The following ZFHX2 variants were observed in gnomAD, a reference collection of about 807,000 sequenced individuals.
ZFHX2 encodes the protein zinc finger homeobox protein 2.
ZFHX2 carries 75 observed loss-of-function variants against 164.8 expected under a neutral mutation model. That is an observed-to-expected ratio of 0.46 (90% CI 0.38 to 0.55). The LOEUF (loss-of-function observed/expected upper bound fraction) is 0.55, where lower values mean the gene tolerates loss of function less well. Ranked by LOEUF, ZFHX2 falls within the 20% of genes least tolerant of loss-of-function variation. ZFHX2 has a pLI of 0.00. For missense variants in ZFHX2, 2,933 were observed against 3,308.0 expected, an observed-to-expected ratio of 0.89 and a Z score of 2.78; for synonymous variants, 1,217 against 1,351.4, an observed-to-expected ratio of 0.90 and a Z score of 2.18.
chr14:23,532,314 C>T, intron 3 of ZFHX2: 1 of 410,010 alleles, frequency 2.4e-6, no homozygotes, highest in Non-Finnish European at 4.2e-6. Context: ...GCTGATACCA[C>T]CCCTCCCTCC....
chr14:23,531,431 C>A, intron 4 of ZFHX2, 50 bp downstream of exon 4: 4 of 1,353,856 alleles, frequency 3.0e-6, no homozygotes, highest in Non-Finnish European at 2.9e-6. Context: ...CTCCCCACAT[C>A]CTGCTGCCCT....
At chr14:23,545,606 A>T (rs899794027) in intron 1 of ZFHX2, among the ~76,000 whole-genome samples, 6 of 152,156 alleles carry the variant, frequency 3.9e-5, no homozygotes, top group Non-Finnish European at 4.4e-5. Flanking sequence ...TTTCAAGTGC[A>T]CTTCTTTCCC....
Position 23,533,643 on chromosome 14 carries a change from T to C in ZFHX2, c.1683A>G (p.Lys561=), listed in dbSNP as rs1423903136. 1 of 1,536,862 alleles carries C rather than the reference T, an allele frequency of 6.5e-7. No homozygotes were observed. Among genetic ancestry groups the C allele is most frequent in the African/African-American group, 1.4e-5 (1 of 73,026 alleles). Residue 561 remains lysine, a synonymous_variant, in exon 2 of 10, where the codon AAA becomes AAG. Transcript: ENST00000419474. This position sits in a 1 kb window ranked among gnomAD's most constrained non-coding sequence, Gnocchi z 4.8. ...GCCAGGATGATTTGGTCTTAGGCTC[T>C]TTGTCTCCCGCGGAGGGTGGGAGTG... ...EASLPPSAGD[K]EPKTKSSWQC... is the part of the protein sequence containing the mutation.
chr14:23,553,523 C>T (rs1001672149), upstream of ZFHX2, among the ~76,000 whole-genome samples: 14 of 151,198 alleles, frequency 9.3e-5, no homozygotes, highest in African/African-American at 2.4e-4. Context: ...CGCTTGAACC[C>T]GGGGGGCAGA....
At chr14:23,530,401 C>G (rs1473239393) in intron 4 of ZFHX2, 1 of 684,646 alleles carries the variant, frequency 1.5e-6, no homozygotes, top group East Asian at 2.7e-5. Flanking sequence ...CTGGTAGGGC[C>G]TAAGAGATCA....
intron 6 of ZFHX2, chr14:23,528,535 G>A (rs757884672): frequency 4.0e-5 from 36 of 906,276 alleles, no homozygotes; most frequent in Non-Finnish European, 4.7e-5. Flanking sequence ...TCTGTGAAAT[G>A]GTTCCATTTC....
At chr14:23,537,347 A>C (rs1008882495) in intron 1 of ZFHX2, among the ~76,000 whole-genome samples, 2 of 152,036 alleles carry the variant, frequency 1.3e-5, no homozygotes, top group South Asian at 4.2e-4. Flanking sequence ...TAGCTCTCGT[A>C]TTAGCAGATC....
intron 6 of ZFHX2, 91 bp from the exon 7 acceptor site, chr14:23,527,895 C>G: frequency 8.9e-7 from 1 of 1,121,558 alleles, no homozygotes; most frequent in African/African-American, 1.6e-5. Context: ...TGGCCCGCCC[C>G]CACTCCTTTT....
At chr14:23,553,743 A>C (rs189173793), upstream of ZFHX2, among the ~76,000 whole-genome samples, 371 of 151,280 alleles carry the variant, frequency 2.5e-3, 1 homozygote, top group Non-Finnish European at 4.4e-3. Flanking sequence ...AATTACAAAA[A>C]ATTAGCCGGG....
Position 23,525,895 on chromosome 14 carries a change from A to G in ZFHX2, c.4047T>C (p.Pro1349=), listed in dbSNP as rs780944327. Residue 1349 remains proline (P), a synonymous_variant, in exon 9 of 10, where the codon CCT becomes CCC. Coordinates refer to ENST00000419474, the MANE Select transcript of ZFHX2 (RefSeq NM_033400.3). This position sits in a 1 kb window ranked among gnomAD's most constrained non-coding sequence, Gnocchi z 5.9. ...GCTTAAGCAGTGATTCGGGCACCAG[A>G]GGGAAGGGGGGCAGGACTGGTGGGG... ...LFTPPVLPPF[P]LVPESLLKLQ... 1 of 1,405,752 alleles carries G rather than the reference A, an allele frequency of 7.1e-7. No individual in the cohort carries two copies. Among genetic ancestry groups the G allele is most frequent in the Non-Finnish European group, 9.2e-7 (1 of 1,089,286 alleles). The allele number at this position is 1,405,752 out of a possible 1,614,324, so 87.1% of individuals were successfully genotyped here.
At chr14:23,528,222 T>A (rs1160594032) in intron 6 of ZFHX2, among the ~76,000 whole-genome samples, 4 of 152,182 alleles carry the variant, frequency 2.6e-5, no homozygotes, top group African/African-American at 9.7e-5. Context: ...CACTCCTAAT[T>A]GAAGAGGAAC....
At position 23,523,542 on chromosome 14, in the gene ZFHX2, C is replaced by T. The variant is rs1878315180; in HGVS notation, c.6400G>A (p.Gly2134Arg). The part of the protein sequence containing the change: ...KLQGTAAGST[G>R]GSSEGLLAAQ... The stretch of plus-strand genomic sequence containing the variant: ...GCTAAGAGGCCCTCACTGCTGCCCC[C>T]AGTGCTCCCAGCGGCTGTCCCCTGT... Residue 2134 changes from glycine to arginine, a missense_variant, in exon 9 of 10, where the codon GGG (glycine) becomes AGG (arginine). Transcript: ENST00000419474. The surrounding 1 kb of genome is among the most constrained non-coding windows in gnomAD (Gnocchi z 4.1). 11 of 1,536,806 alleles carry T rather than the reference C, an allele frequency of 7.2e-6. No homozygotes were observed. Among genetic ancestry groups the T allele is most frequent in the Non-Finnish European group, 9.6e-6 (11 of 1,146,966 alleles).
At chr14:23,528,196 A>G (rs1159840452) in intron 6 of ZFHX2, among the ~76,000 whole-genome samples, 1 of 152,198 alleles carries the variant, frequency 6.6e-6, no homozygotes, top group Non-Finnish European at 1.5e-5. Context: ...GGCGTGAGCC[A>G]CCACGCTTGG....
In ZFHX2 at chr14:23,522,605, G is replaced by A. The variant is rs1289105641; in HGVS notation, c.7076C>T (p.Pro2359Leu). Residue 2359 changes from proline to leucine, a missense_variant, in exon 10 of 10, where the codon CCA (proline) becomes CTA (leucine). Coordinates refer to ENST00000419474, the MANE Select transcript of ZFHX2 (RefSeq NM_033400.3). ...PLPPAGGTAP[P>L]AVFGPQLQGA... ...CTGTAGCTGGGGGCCAAAGACAGCT[G>A]GCGGTGCTGTTCCCCCAGCAGGGGG... The A allele has an allele frequency of 1.4e-5, 22 of 1,531,414 alleles. No individual in the cohort carries two copies. In the East Asian group the frequency reaches 5.4e-4, roughly 38 times the overall value. The allele number at this position is 1,531,414 out of a possible 1,614,324, so 94.9% of individuals were successfully genotyped here. A position where few individuals can be genotyped will look rare whatever the true frequency, so the allele number is the denominator to read the frequency against.
intron 6 of ZFHX2, chr14:23,528,623 CCCTA>C: frequency 1.0e-6 from 1 of 985,440 alleles, no homozygotes; most frequent in Non-Finnish European, 1.2e-6. Context: ...TGGAAAGGGG[CCCTA>C]CCTGTCTGCT....
chr14:23,532,999 G>A lies in ZFHX2; in HGVS notation c.2127C>T (p.Pro709=). ...SSSDSLPTSP[P]PDDSLSLKVF... ...CCTTCAGGGACAGGCTGTCGTCTGG[G>A]GGTGGTGAGGTGGGCAGGCTGTCAG... The change falls in exon 3 of 10, where the codon CCC becomes CCT. Residue 709 remains proline (P), a synonymous_variant. Coordinates refer to ENST00000419474, the MANE Select transcript of ZFHX2 (RefSeq NM_033400.3). The A allele has an allele frequency of 6.5e-7, 1 of 1,536,186 alleles. No homozygotes were observed. The highest frequency in any genetic ancestry group is 1.2e-5 in the South Asian group (1 of 84,066).
At position 23,523,509 on chromosome 14, in the gene ZFHX2, G is replaced by A. The variant is rs775221444; in HGVS notation, c.6433C>T (p.Arg2145Cys). The A allele has an allele frequency of 1.7e-5, 26 of 1,536,274 alleles. No homozygotes were observed. The highest frequency in any genetic ancestry group is 6.8e-5 in the African/African-American group (5 of 73,038). ...GSSEGLLAAQ[R>C]TDCPYCDVKY... The stretch of plus-strand genomic sequence containing the variant: ...ACATCACAATAGGGGCAGTCAGTGC[G>A]CTGGGCTGCTAAGAGGCCCTCACTG... Residue 2145 changes from arginine (R) to cysteine (C), a missense_variant, in exon 9 of 10, where the codon CGC becomes TGC. By Grantham distance (180) the Arg-to-Cys change is radical. Coordinates refer to ENST00000419474, the MANE Select transcript of ZFHX2 (RefSeq NM_033400.3). The surrounding 1 kb of genome is among the most constrained non-coding windows in gnomAD (Gnocchi z 4.1).
At chr14:23,540,227 G>C (rs1488400208) in intron 1 of ZFHX2, among the ~76,000 whole-genome samples, 1 of 152,192 alleles carries the variant, frequency 6.6e-6, no homozygotes, top group East Asian at 1.9e-4. Flanking sequence ...CTGGGCTAAA[G>C]CAATCTGCCC....
At position 23,526,975 on chromosome 14, in the gene ZFHX2, TGC is replaced by T; in HGVS notation, c.3136-4_3136-3del. The T allele has an allele frequency of 6.6e-7, 1 of 1,504,232 alleles. No individual in the cohort carries two copies. Among genetic ancestry groups the T allele is most frequent in the Non-Finnish European group, 8.8e-7 (1 of 1,133,092 alleles). The allele number at this position is 1,504,232 out of a possible 1,614,324, so 93.2% of individuals were successfully genotyped here. On this transcript the variant is annotated splice_region_variant and splice_polypyrimidine_tract_variant and intron_variant, in intron 7 of 9. Coordinates refer to ENST00000419474, the MANE Select transcript of ZFHX2 (RefSeq NM_033400.3). Reference sequence around the variant, plus strand: ...AAATGTCATTTCTACAGTTGTAGCCTGCAATGAGAAAAAGCCTAGTGGCTTCA... The same window carrying T: ...AAATGTCATTTCTACAGTTGTAGCCTAATGAGAAAAAGCCTAGTGGCTTCA...
Sources: allele counts gnomAD v4.1 joint callset (sites outside exome capture counted in the v4.1 genomes callset), GRCh38; gene constraint gnomAD v4.1.1; non-coding constraint Gnocchi (gnomAD v3.1); transcripts MANE v1.5; gene names NCBI Gene and HGNC (gene_info 2026-07-23, HGNC 2026-07-21).